The following INSRR variants were observed in gnomAD, a reference collection of about 807,000 sequenced individuals.
The protein encoded by INSRR is insulin receptor related receptor, also known as insulin receptor-related protein.
A neutral mutation model predicts 130.0 loss-of-function variants in INSRR; 114 were observed. The ratio of observed to expected loss-of-function variants is 0.88; its 90% CI spans 0.75 to 1.02. The LOEUF is 1.02. INSRR is among the 50% of genes least tolerant of loss of function. INSRR has a pLI of 0.00. For synonymous variants in INSRR, 674 were observed against 705.2 expected, an observed-to-expected ratio of 0.96 and a Z score of 0.70; for missense variants, 1,657 against 1,735.2, an observed-to-expected ratio of 0.95 and a Z score of 0.80.
rs1479887270 is a variant in INSRR at position 156,841,376 on chromosome 1, G to A, written c.3662+18C>T. The A allele has an allele frequency of 5.6e-6, 9 of 1,610,986 alleles. No homozygotes were observed. Among genetic ancestry groups the A allele is most frequent in the South Asian group, 1.1e-5 (1 of 91,002 alleles). On this transcript the variant is annotated intron_variant, in intron 21 of 21. Transcript: ENST00000368195. ...TAGGTAGATCAACAATGAGGAAGGG[G>A]CAGGGGAGGTGACTCACAGCTGAAG...
chr1:156,842,091 T>A (rs745647077), intron 19 of INSRR, 21 bp downstream of exon 19: 1 of 1,613,694 alleles, frequency 6.2e-7, no homozygotes, highest in Non-Finnish European at 8.5e-7. Flanking sequence ...GCCGCCCTCA[T>A]CTGCCTGGCA....
Position 156,843,602 on chromosome 1 carries a change from TCAGG to T in INSRR, c.2844-127_2844-124del, listed in dbSNP as rs1263198145. ...TTACTGACCACACCCCCAGCCTTGG[TCAGG>T]GTGACTCCTGGGGATCCCTAAGTAC... On this transcript the variant is annotated intron_variant, in intron 15 of 21. Transcript: ENST00000368195. 152 of 1,001,358 alleles carry T rather than the reference TCAGG, an allele frequency of 1.5e-4. No homozygotes were observed. In the African/African-American group the frequency reaches 2.2e-3, roughly 15 times the overall value. 62.0% of individuals were successfully genotyped at this position (1,001,358 alleles called of 1,614,324 possible).
rs551379187 is a variant in INSRR at position 156,857,940 on chromosome 1, G to T, written c.85+597C>A. On this transcript the variant is annotated intron_variant, in intron 1 of 21. Transcript: ENST00000368195. ...TCCCCCCACCCCTCCTCTCTAAAAC[G>T]TACTGATGGGCAGTATCTAGCCTGG... 1.4e-4 allele frequency among the ~76,000 whole-genome samples: 21 copies of T among 151,496 alleles called. No homozygotes were observed. In the South Asian group the frequency reaches 4.2e-3, roughly 30 times the overall value.
At chr1:156,849,490 G>T in intron 5 of INSRR, 30 bp from the exon 6 acceptor site, 2 of 1,409,676 alleles carry the variant, frequency 1.4e-6, no homozygotes, top group South Asian at 1.1e-5. Flanking sequence ...CTTGCTCTGC[G>T]GGGAGGTGGG....
Position 156,846,684 on chromosome 1 carries a change from C to A in INSRR, c.1645G>T (p.Glu549Ter). 6.2e-7 allele frequency: 1 copy of A among 1,614,168 alleles called. No individual in the cohort carries two copies. The highest frequency in any genetic ancestry group is 8.5e-7 in the Non-Finnish European group (1 of 1,180,048). Reference protein sequence around the residue: ...GTQSWNLLDVELPLSRTQEPG... With the variant: ...GTQSWNLLDV ...TCCTGGGTGCGGCTTAGGGGCAGCT[C>A]CACATCCAGCAGGTTCCAGCTCTGG... The change falls in exon 8 of 22, where the codon GAG becomes TAG. Residue 549 changes from glutamate (E) to a stop codon, truncating the protein, a stop_gained. Coordinates refer to ENST00000368195, the MANE Select transcript of INSRR (RefSeq NM_014215.3). LOFTEE classifies it high-confidence loss of function.
chr1:156,852,235 G>C (rs1177169843), intron 2 of INSRR, 44 bp from the exon 3 acceptor site: 1 of 1,523,250 alleles, frequency 6.6e-7, no homozygotes. Context: ...TGCCCCCTCA[G>C]TCCTGGCTGT....
intron 5 of INSRR, 50 bp downstream of exon 5, chr1:156,851,240 T>C: frequency 6.2e-7 from 1 of 1,607,848 alleles, no homozygotes; most frequent in Non-Finnish European, 8.5e-7. Context: ...TCTGGGAGTG[T>C]TGGAGGAAGG....
At position 156,853,982 on chromosome 1, in the gene INSRR, C is replaced by G. The variant is rs373077572; in HGVS notation, c.407G>C (p.Arg136Pro). The change falls in exon 2 of 22, where the codon CGT becomes CCT. Residue 136 changes from arginine to proline, a missense_variant. Coordinates refer to ENST00000368195, the MANE Select transcript of INSRR (RefSeq NM_014215.3). Reference protein sequence around the residue: ...VALPALGAVLRGAVRVEKNQE... With the variant: ...VALPALGAVLPGAVRVEKNQE... ...GTTCTTCTCCACACGCACAGCCCCA[C>G]GCAGCACGGCCCCAAGTGCAGGCAG... The G allele has an allele frequency of 7.4e-6, 12 of 1,613,336 alleles. No homozygotes were observed. Among genetic ancestry groups the G allele is most frequent in the Non-Finnish European group, 1.0e-5 (12 of 1,179,582 alleles).
rs766872064 is a variant in INSRR at position 156,852,128 on chromosome 1, AG to A, written c.700del (p.Leu234TrpfsTer14). 1.1e-5 allele frequency: 18 copies of A among 1,613,184 alleles called. No homozygotes were observed. Among genetic ancestry groups the A allele is most frequent in the Non-Finnish European group, 1.7e-6 (2 of 1,179,798 alleles). Reference sequence around the variant, plus strand: ...GTCTTCTGGCTGGCTGCAGCCCCCCAGGCATTCGGTGTGGCAGCACTCGCCC... The same window carrying A: ...GTCTTCTGGCTGGCTGCAGCCCCCCAGCATTCGGTGTGGCAGCACTCGCCC... Reference protein sequence around the residue: ...ARGECCHTECLGGCSQPEDPR... With the variant: ...ARGECCHTECXGGCSQPEDPR... On this transcript the variant is annotated frameshift_variant, in exon 3 of 22. Coordinates refer to ENST00000368195, the MANE Select transcript of INSRR (RefSeq NM_014215.3). LOFTEE classifies it high-confidence loss of function.
intron 1 of INSRR, among the ~76,000 whole-genome samples, chr1:156,858,113 C>CA (rs1655474693): frequency 6.6e-6 from 1 of 152,206 alleles, no homozygotes; most frequent in Non-Finnish European, 1.5e-5. Flanking sequence ...CCTTAGTTCT[C>CA]AGAGCTGCAG....
In INSRR at chr1:156,843,426, C is replaced by G; in HGVS notation, c.2896+1G>C. 2 of 1,614,158 alleles carry G rather than the reference C, an allele frequency of 1.2e-6. No individual in the cohort carries two copies. Among genetic ancestry groups the G allele is most frequent in the South Asian group, 2.2e-5 (2 of 91,086 alleles). ...ACCTGTCCACCCACTCCCAGACCTA[C>G]TATCAGAGGCGCTGAAGTACTCTGG... is the stretch of plus-strand genomic sequence containing the variant. On this transcript the variant is annotated splice_donor_variant, in intron 16 of 21. Transcript: ENST00000368195. LOFTEE classifies it high-confidence loss of function.
Position 156,849,071 on chromosome 1 carries a change from C to G in INSRR, c.1445-24G>C, listed in dbSNP as rs1213004953. On this transcript the variant is annotated intron_variant, in intron 6 of 21. Coordinates refer to ENST00000368195, the MANE Select transcript of INSRR (RefSeq NM_014215.3). ...GCCTGGGTGGGGCGAGGGGCCTGCT[C>G]GCAACCGCGCCTGCCAGCTGCTTGA... The G allele has an allele frequency of 3.1e-6, 5 of 1,604,902 alleles. No individual in the cohort carries two copies. The East Asian group carries it at 6.7e-5, about 22-fold the overall frequency.
chr1:156,846,773 C>T lies in INSRR; in HGVS notation c.1572-16G>A. 6.3e-7 allele frequency: 1 copy of T among 1,599,758 alleles called. No individual in the cohort carries two copies. Among genetic ancestry groups the T allele is most frequent in the Non-Finnish European group, 8.6e-7 (1 of 1,167,362 alleles). ...CTGGAATGGGCTGAACACCCATCCC[C>T]AGAGCTGAGGGGTCATTCAACCCCA... is the stretch of plus-strand genomic sequence containing the variant. On this transcript the variant is annotated splice_polypyrimidine_tract_variant and intron_variant, in intron 7 of 21. Coordinates refer to ENST00000368195, the MANE Select transcript of INSRR (RefSeq NM_014215.3).
intron 2 of INSRR, among the ~76,000 whole-genome samples, chr1:156,853,471 C>T (rs1484381673): frequency 1.3e-5 from 2 of 152,212 alleles, no homozygotes; most frequent in Admixed American, 1.3e-4. Context: ...CTTGCGCTGC[C>T]TACTCTCTGT....
At chr1:156,841,949 CA>C in intron 19 of INSRR, 155 bp from the exon 20 acceptor site, 1 of 1,549,650 alleles carries the variant, frequency 6.5e-7, no homozygotes, top group Non-Finnish European at 8.9e-7. Context: ...TCATCCCATC[CA>C]AACCCCTCTG....
chr1:156,845,851 G>T (rs1174102904), intron 9 of INSRR, 37 bp from the exon 10 acceptor site: 2 of 1,586,572 alleles, frequency 1.3e-6, no homozygotes, highest in Non-Finnish European at 8.6e-7. Context: ...TAAGACAGGC[G>T]GTCTACCCGC....
chr1:156,848,885 T>TCCCGCCCCCGCTCCGGC (rs780333037), intron 7 of INSRR, 36 bp downstream of exon 7: 320 of 1,545,562 alleles, frequency 2.1e-4, no homozygotes, highest in Non-Finnish European at 2.7e-4. Flanking sequence ...CCTCGTCCGG[T>TCCCGCCCCCGCTCCGGC]CCCGCCCCCG....
At position 156,846,072 on chromosome 1, in the gene INSRR, G is replaced by A; in HGVS notation, c.1858C>T (p.His620Tyr). ...GGTGGCTTCCAGCGCACCAGGAGGT[G>A]GGAGGAGGAGTTGGACGTGGAGATG... ...DVISTSNSSS[H>Y]LLVRWKPPTQ... The change falls in exon 9 of 22, where the codon CAC (histidine) becomes TAC (tyrosine). Residue 620 changes from histidine (H) to tyrosine (Y), a missense_variant. By Grantham distance (83) the His-to-Tyr change is moderately conservative (BLOSUM62 2). Transcript: ENST00000368195. The A allele has an allele frequency of 7.4e-6, 12 of 1,611,656 alleles. No individual in the cohort carries two copies. Among genetic ancestry groups the A allele is most frequent in the Non-Finnish European group, 1.0e-5 (12 of 1,178,570 alleles).
rs748173098 is a variant in INSRR at position 156,844,290 on chromosome 1, A to C, written c.2738-10T>G. ...CCAGCATCCTCCTCCTCTGGCAGTCAGAGGGCAGCAGAGGGTAGAGTCAAA... is the reference window on the plus strand; with the variant it reads ...CCAGCATCCTCCTCCTCTGGCAGTCCGAGGGCAGCAGAGGGTAGAGTCAAA... On this transcript the variant is annotated splice_polypyrimidine_tract_variant and intron_variant, in intron 14 of 21. Transcript: ENST00000368195. The C allele has an allele frequency of 1.3e-6, 2 of 1,599,400 alleles. No homozygotes were observed. The highest frequency in any genetic ancestry group is 8.6e-7 in the Non-Finnish European group (1 of 1,167,614).
Sources: allele counts gnomAD v4.1 joint callset (sites outside exome capture counted in the v4.1 genomes callset), GRCh38; gene constraint gnomAD v4.1.1; transcripts MANE v1.5; gene names NCBI Gene and HGNC (gene_info 2026-07-23, HGNC 2026-07-21).